Variants in WWOX observed in about 807,000 individuals in gnomAD.
The protein encoded by WWOX is WW domain-containing oxidoreductase.
A neutral mutation model predicts 46.2 loss-of-function variants in WWOX; 69 were observed. The ratio of observed to expected loss-of-function variants is 1.49; its 90% confidence interval spans 1.23 to 1.82. The LOEUF is 1.82. Among genes scored for constraint, WWOX ranks in the 40% most tolerant of loss-of-function variants. WWOX has a pLI of 0.00. For missense variants in WWOX, 919 were observed against 542.6 expected, an observed-to-expected ratio of 1.69 and a Z score of -6.89; for synonymous variants, 359 against 202.6, an observed-to-expected ratio of 1.77 and a Z score of -6.56.
intron 8 of WWOX, among the ~76,000 whole-genome samples, chr16:78,971,820 A>T (rs1165135352): frequency 6.6e-6 from 1 of 152,088 alleles, no homozygotes; most frequent in African/African-American, 2.4e-5. Context: ...ATGCCATTTA[A>T]AGAGAACACT....
chr16:78,318,369 G>A (rs150155767), intron 5 of WWOX, among the ~76,000 whole-genome samples: 353 of 148,924 alleles, frequency 2.4e-3, no homozygotes, highest in African/African-American at 7.7e-3. Context: ...AATGTATAAA[G>A]GAGAGGTTGC....
intron 8 of WWOX, among the ~76,000 whole-genome samples, chr16:78,927,226 C>G (rs1296739966): frequency 6.6e-6 from 1 of 152,184 alleles, no homozygotes; most frequent in East Asian, 1.9e-4. Context: ...ATTTTCAATG[C>G]CTGGCTGGTT....
intron 8 of WWOX, among the ~76,000 whole-genome samples, chr16:78,539,349 G>A (rs2043832679): frequency 6.6e-6 from 1 of 152,172 alleles, no homozygotes. Flanking sequence ...CCAGCTCTCT[G>A]TTTCCCTGCT....
In WWOX at chr16:78,988,971, G is replaced by A. The variant is rs79243374; in HGVS notation, c.1057-222637G>A. On this transcript the variant is annotated intron_variant, in intron 8 of 8. Transcript: ENST00000566780. ...ATTTTGCTTCAGGAACTAGGCAGGA[G>A]AATTCCTGAGTTCCTGTACAACCTG... Among the ~76,000 whole-genome samples, 1,329 of 152,316 alleles carry A rather than the reference G, an allele frequency of 8.7e-3. 25 individuals are homozygous for A. The highest frequency in any genetic ancestry group is 0.03 in the African/African-American group (1,254 of 41,560).
rs973270446 is a variant in WWOX, at chr16:79,021,392, G to T, written c.1057-190216G>T. Reference sequence around the variant, plus strand: ...GTGTCACGGACCCCTTGGGCATTTGGTGCCCTTTGCAGAATAATGGTTTTG... The same window carrying T: ...GTGTCACGGACCCCTTGGGCATTTGTTGCCCTTTGCAGAATAATGGTTTTG... On this transcript the variant is annotated intron_variant, in intron 8 of 8. Transcript: ENST00000566780. Among the ~76,000 whole-genome samples the T allele has an allele frequency of 2.0e-5, 3 of 152,244 alleles. No homozygotes were observed. The East Asian group carries it at 5.8e-4, about 29-fold the overall frequency.
At chr16:78,310,577 G>A (rs573033108) in intron 5 of WWOX, among the ~76,000 whole-genome samples, 5 of 152,244 alleles carry the variant, frequency 3.3e-5, no homozygotes, top group South Asian at 2.1e-4. Flanking sequence ...ATGCCACCCC[G>A]GTGCTTCTGC....
chr16:78,563,008 C>G (rs895326295), intron 8 of WWOX, among the ~76,000 whole-genome samples: 4 of 151,898 alleles, frequency 2.6e-5, no homozygotes, highest in Non-Finnish European at 5.9e-5. Flanking sequence ...TAATCCCTCC[C>G]CCTATCTTTC....
At chr16:79,210,602 G>C (rs887357597) in intron 8 of WWOX, among the ~76,000 whole-genome samples, 5 of 152,196 alleles carry the variant, frequency 3.3e-5, no homozygotes, top group African/African-American at 1.2e-4. Flanking sequence ...AGTGGATGCA[G>C]CTAGGGCTCT....
At chr16:78,953,893 C>G (rs1425914398) in intron 8 of WWOX, among the ~76,000 whole-genome samples, 4 of 152,136 alleles carry the variant, frequency 2.6e-5, no homozygotes, top group Admixed American at 6.6e-5. Context: ...TCACTTGCTG[C>G]CTTATATTGC....
chr16:78,743,375 C>T (rs1049405035), intron 8 of WWOX, among the ~76,000 whole-genome samples: 5 of 152,050 alleles, frequency 3.3e-5, no homozygotes, highest in Non-Finnish European at 5.9e-5. Context: ...ACAGAATCTT[C>T]CCAGGGATCT....
intron 8 of WWOX, chr16:78,897,705 A>T (rs184391120): frequency 8.2e-4 from 125 of 152,254 alleles, no homozygotes; most frequent in African/African-American, 2.9e-3. Context: ...CTAGGTGTGA[A>T]ATTATTGACT....
chr16:79,184,910 A>G (rs1462302358), intron 8 of WWOX, among the ~76,000 whole-genome samples: 10 of 152,214 alleles, frequency 6.6e-5, no homozygotes, highest in Admixed American at 5.2e-4. Flanking sequence ...ACTTTTTTGG[A>G]TAATCATTGG....
intron 8 of WWOX, among the ~76,000 whole-genome samples, chr16:79,028,911 T>G (rs2047699089): frequency 6.6e-6 from 1 of 151,798 alleles, no homozygotes; most frequent in African/African-American, 2.4e-5. Context: ...AAAAAAATGT[T>G]CATAAATTTA....
At position 78,384,771 on chromosome 16, in the gene WWOX, T is replaced by C. The variant is rs193221848; in HGVS notation, c.517-2089T>C. Among the ~76,000 whole-genome samples, 5 of 152,336 alleles carry C rather than the reference T, an allele frequency of 3.3e-5. No individual in the cohort carries two copies. The East Asian group carries it at 9.7e-4, about 29-fold the overall frequency. ...GGAATTTAAATCTGTGTTTGCCAGT[T>C]TGCCTCCACCACTGATGTGCTGTTG... On this transcript the variant is annotated intron_variant, in intron 5 of 8. Transcript: ENST00000566780.
rs920468753 is a variant in WWOX, at chr16:78,823,781, A to T, written c.1057-387827A>T. 6.2e-3 allele frequency among the ~76,000 whole-genome samples: 911 copies of T among 147,730 alleles called. 7 individuals carry two copies. The highest frequency in any genetic ancestry group is 0.021 in the African/African-American group (863 of 40,162). ...CTACCCTGAGCTTTCTAGACTTGTT[A>T]TTTTTTTTTTTTTAAGACAGAATCT... On this transcript the variant is annotated intron_variant, in intron 8 of 8. Transcript: ENST00000566780.
chr16:79,075,056 A>G (rs901256420), intron 8 of WWOX, among the ~76,000 whole-genome samples: 8 of 152,172 alleles, frequency 5.3e-5, no homozygotes, highest in Non-Finnish European at 1.0e-4. Flanking sequence ...AAAAATCACT[A>G]TGGAAGTGCA....
intron 8 of WWOX, among the ~76,000 whole-genome samples, chr16:78,619,197 A>G (rs1441206231): frequency 5.0e-5 from 2 of 39,632 alleles, no homozygotes; most frequent in Non-Finnish European, 8.6e-5. Context: ...ATATATATAT[A>G]TATATATATA....
chr16:78,503,368 G>C (rs16919), intron 8 of WWOX, among the ~76,000 whole-genome samples: 23 of 152,154 alleles, frequency 1.5e-4, no homozygotes, highest in East Asian at 5.8e-4. Flanking sequence ...ATTTAGTTCA[G>C]ATAATACATA....
At chr16:79,095,753 A>C (rs2049054707) in intron 8 of WWOX, among the ~76,000 whole-genome samples, 1 of 152,064 alleles carries the variant, frequency 6.6e-6, no homozygotes, top group South Asian at 2.1e-4. Context: ...GCAAGGGACA[A>C]ACCTCACAAA....
Sources: allele counts gnomAD v4.1 joint callset (sites outside exome capture counted in the v4.1 genomes callset), GRCh38; gene constraint gnomAD v4.1.1; transcripts MANE v1.5; gene names NCBI Gene and HGNC (gene_info 2026-07-23, HGNC 2026-07-21).